The following TSEN2 variants were observed in gnomAD, a reference collection of about 807,000 sequenced individuals.
TSEN2 encodes tRNA splicing endonuclease subunit 2.
In TSEN2, 54 loss-of-function variants were observed where a neutral mutation model predicts 59.2. That is an observed-to-expected ratio of 0.91 (90% CI 0.73 to 1.14). The LOEUF (loss-of-function observed/expected upper bound fraction) is 1.14. Ranked by LOEUF, TSEN2 falls within the 50% of genes most tolerant of loss-of-function variation. The pLI, the probability that TSEN2 is intolerant of heterozygous loss-of-function variation, is 0.00. For missense variants in TSEN2, 636 were observed against 576.2 expected, an observed-to-expected ratio of 1.10 and a Z score of -1.06; for synonymous variants, 195 against 198.2, an observed-to-expected ratio of 0.98 and a Z score of 0.14.
intron 10 of TSEN2, chr3:12,531,343 A>C (rs1370033587): frequency 1.9e-6 from 1 of 538,306 alleles, no homozygotes; most frequent in East Asian, 3.1e-5. Flanking sequence ...TAATCAATGT[A>C]TCTGCTTATA....
intron 6 of TSEN2, among the ~76,000 whole-genome samples, chr3:12,512,092 G>A (rs2055532870): frequency 6.6e-6 from 1 of 152,212 alleles, no homozygotes; most frequent in African/African-American, 2.4e-5. Context: ...GGAAGATAGT[G>A]AAGATTGAAT....
intron 4 of TSEN2, among the ~76,000 whole-genome samples, chr3:12,502,970 C>CTGAG (rs2054452309): frequency 6.6e-6 from 1 of 151,938 alleles, no homozygotes; most frequent in African/African-American, 2.4e-5. Flanking sequence ...TACTTGGAGG[C>CTGAG]TGAGGCACAA....
rs940442100 is a variant in TSEN2, at chr3:12,532,826, C to T, written c.*105C>T. 3 of 1,059,684 alleles carry T rather than the reference C, an allele frequency of 2.8e-6. No individual in the cohort carries two copies. The highest frequency in any genetic ancestry group is 3.1e-5 in the African/African-American group (2 of 63,766). 65.6% of individuals were successfully genotyped at this position (1,059,684 alleles called of 1,614,324 possible). A position where few individuals can be genotyped will look rare whatever the true frequency, so the allele number is the denominator to read the frequency against. ...CCATTAATTCATAAGTTTTAAAGGGCATGGTGCTCCCAGCACCAGAAAACT... is the reference window on the plus strand; with the variant it reads ...CCATTAATTCATAAGTTTTAAAGGGTATGGTGCTCCCAGCACCAGAAAACT... On this transcript the variant is annotated 3_prime_UTR_variant, in exon 12 of 12. Transcript: ENST00000284995.
At chr3:12,508,254 C>T (rs949423816) in intron 6 of TSEN2, among the ~76,000 whole-genome samples, 1 of 152,188 alleles carries the variant, frequency 6.6e-6, no homozygotes. Context: ...GCTGCCTCCT[C>T]TTGAACACCC....
At chr3:12,518,070 A>C (rs1415500333) in intron 7 of TSEN2, among the ~76,000 whole-genome samples, 2 of 152,166 alleles carry the variant, frequency 1.3e-5, no homozygotes. Context: ...ATAAAGCAAA[A>C]ATTTTCCAAA....
Position 12,516,655 on chromosome 3 carries a change from T to G in TSEN2, c.954T>G (p.Tyr318Ter). 1 of 1,613,990 alleles carries G rather than the reference T, an allele frequency of 6.2e-7. No homozygotes were observed. The highest frequency in any genetic ancestry group is 8.5e-7 in the Non-Finnish European group (1 of 1,179,956). ...VYALGCLSIY[Y>*]EKEPLTIVKL... ...CTCTGGGATGTTTAAGTATTTACTATGAGAAGGTAAGATGCTTTGTTTACA... is the reference window on the plus strand; with the variant it reads ...CTCTGGGATGTTTAAGTATTTACTAGGAGAAGGTAAGATGCTTTGTTTACA... Residue 318 changes from tyrosine (Y) to a stop codon, truncating the protein, a stop_gained, in exon 7 of 12, where the codon TAT becomes TAG. Coordinates refer to ENST00000284995, the MANE Select transcript of TSEN2 (RefSeq NM_025265.4). LOFTEE classifies it high-confidence loss of function.
intron 8 of TSEN2, 132 bp downstream of exon 8, chr3:12,519,329 TG>T: frequency 7.7e-7 from 1 of 1,307,174 alleles, no homozygotes; most frequent in Non-Finnish European, 1.1e-6. Context: ...ATAAGATTAT[TG>T]GATATTTGGA....
At chr3:12,488,720 G>A (rs1194820796) in intron 1 of TSEN2, among the ~76,000 whole-genome samples, 1 of 152,210 alleles carries the variant, frequency 6.6e-6, no homozygotes, top group African/African-American at 2.4e-5. Context: ...GGTGCTGGGT[G>A]CACAGTGGGT....
At position 12,533,302 on chromosome 3, in the gene TSEN2, T is replaced by C. The variant is rs2057578459; in HGVS notation, c.*581T>C. ...TTGGCAAAATATAATAAAGCCTTTTTGTAATTGGTGAGAAAGTCATGAAGA... is the reference window on the plus strand; with the variant it reads ...TTGGCAAAATATAATAAAGCCTTTTCGTAATTGGTGAGAAAGTCATGAAGA... On this transcript the variant is annotated 3_prime_UTR_variant, in exon 12 of 12. Coordinates refer to ENST00000284995, the MANE Select transcript of TSEN2 (RefSeq NM_025265.4). The C allele has an allele frequency of 6.4e-6, 1 of 155,214 alleles. No homozygotes were observed. The highest frequency in any genetic ancestry group is 1.4e-5 in the Non-Finnish European group (1 of 69,956). The allele number at this position is 155,214 out of a possible 1,614,324, so 9.6% of individuals were successfully genotyped here. A position where few individuals can be genotyped will look rare whatever the true frequency, so the allele number is the denominator to read the frequency against.
exon 11 of TSEN2, chr3:12,539,269 G>C (rs570465222): frequency 7.3e-5 from 27 of 370,594 alleles, no homozygotes; most frequent in Middle Eastern, 9.6e-4. Flanking sequence ...GAGTAGCTGG[G>C]ATTACAGGCA....
intron 8 of TSEN2, among the ~76,000 whole-genome samples, chr3:12,524,956 C>G (rs182975679): frequency 6.6e-6 from 1 of 152,012 alleles, no homozygotes; most frequent in South Asian, 2.1e-4. Flanking sequence ...GTTTGCCAGG[C>G]TGGTCTCGAA....
chr3:12,506,013 T>A (rs147134365), intron 6 of TSEN2, among the ~76,000 whole-genome samples: 1 of 152,118 alleles, frequency 6.6e-6, no homozygotes, highest in Non-Finnish European at 1.5e-5. Context: ...AGATGCTGAC[T>A]GGTGATGCCG....
Position 12,484,629 on chromosome 3 carries a change from G to A in TSEN2, c.-269G>A, listed in dbSNP as rs1417658117. The A allele has an allele frequency of 6.6e-6, 1 of 152,266 alleles. No individual in the cohort carries two copies. The allele number at this position is 152,266 out of a possible 1,614,324, so 9.4% of individuals were successfully genotyped here. A position where few individuals can be genotyped will look rare whatever the true frequency, so the allele number is the denominator to read the frequency against. Reference sequence around the variant, plus strand: ...CAGGGCGAGAGAGGAAAGGGCCTAGGTACTGTGCTGGGGTCGCACAGCCGG... The same window carrying A: ...CAGGGCGAGAGAGGAAAGGGCCTAGATACTGTGCTGGGGTCGCACAGCCGG... On this transcript the variant is annotated 5_prime_UTR_variant, in exon 1 of 12. Coordinates refer to ENST00000284995, the MANE Select transcript of TSEN2 (RefSeq NM_025265.4).
chr3:12,534,474 T>G (rs931802834), downstream of TSEN2, among the ~76,000 whole-genome samples: 1 of 152,132 alleles, frequency 6.6e-6, no homozygotes, highest in African/African-American at 2.4e-5. Context: ...ATTTTCTTAT[T>G]TCTAGCATGT....
intron 11 of TSEN2, 109 bp downstream of exon 11, chr3:12,531,768 C>T: frequency 2.6e-6 from 2 of 781,664 alleles, no homozygotes; most frequent in South Asian, 1.5e-5. Context: ...GCCTTGGTAA[C>T]AGAGCCTTCT....
chr3:12,508,136 C>T (rs997585263), intron 6 of TSEN2, among the ~76,000 whole-genome samples: 7 of 152,154 alleles, frequency 4.6e-5, no homozygotes, highest in Non-Finnish European at 1.0e-4. Context: ...GAGGTGGCAG[C>T]TGTAGGCGAA....
chr3:12,520,537 C>T (rs1035175366), intron 8 of TSEN2, among the ~76,000 whole-genome samples: 1 of 152,102 alleles, frequency 6.6e-6, no homozygotes, highest in Non-Finnish European at 1.5e-5. Flanking sequence ...CGCCTGTAAT[C>T]CCAGCACTTT....
chr3:12,489,747 T>A (rs1046795191), intron 1 of TSEN2, 37 bp from the exon 2 acceptor site: 1 of 1,573,216 alleles, frequency 6.4e-7, no homozygotes, highest in Non-Finnish European at 8.7e-7. Flanking sequence ...AGTTATTGAT[T>A]GTCTGTTTCT....
intron 5 of TSEN2, among the ~76,000 whole-genome samples, chr3:12,504,800 C>G (rs1186824245): frequency 6.6e-6 from 1 of 152,130 alleles, no homozygotes. Context: ...GGGAGGGTTG[C>G]TTGAGGCCAG....
Sources: gnomAD v4.1 joint callset for allele counts (sites outside exome capture counted in the v4.1 genomes callset) on GRCh38, gnomAD v4.1.1 for gene constraint, MANE v1.5 for transcripts, NCBI Gene and HGNC (gene_info 2026-07-23, HGNC 2026-07-21) for gene names.